SLC39A4: variants seen among roughly 807,000 people sequenced by gnomAD.
SLC39A4 encodes the protein zinc transporter ZIP4.
SLC39A4 carries 49 observed loss-of-function variants against 56.6 expected under a neutral mutation model. The observed-to-expected ratio is 0.87, with a 90% confidence interval of 0.69 to 1.10. The LOEUF is 1.10. SLC39A4 is among the 50% of genes least tolerant of loss of function. SLC39A4 has a pLI of 0.00. For synonymous variants in SLC39A4, 540 were observed against 420.4 expected (o/e 1.28, Z -3.48); for missense variants, 993 against 864.2 (o/e 1.15, Z -1.87).
At chr8:144,414,493 G>T in intron 5 of SLC39A4, 59 bp from the exon 6 acceptor site, 4 of 1,547,220 alleles carry the variant, frequency 2.6e-6, no homozygotes, top group Non-Finnish European at 3.5e-6. Context: ...CCTGCTTCCC[G>T]GGCGCTGCTC....
rs201271264 is a variant in SLC39A4 at position 144,415,932 on chromosome 8, G to A, written c.352C>T (p.Leu118Phe). The A allele has an allele frequency of 1.0e-5, 16 of 1,596,048 alleles. No homozygotes were observed. In the East Asian group the frequency reaches 2.3e-4, roughly 22 times the overall value. ...EGTCEDARAG[L>F]WASHADHLLA... is the part of the protein sequence containing the mutation. ...AGGTGGTCTGCATGAGAGGCCCAGA[G>A]GCCAGCCCGAGCGTCCTCACAGGTG... Residue 118 changes from leucine to phenylalanine, a missense_variant, in exon 2 of 12, where the codon CTC becomes TTC. Physicochemically the swap from Leu to Phe is conservative, Grantham distance 22 (BLOSUM62 0). Coordinates refer to ENST00000301305, the MANE Select transcript of SLC39A4 (RefSeq NM_130849.4).
chr8:144,416,308 A>C, intron 1 of SLC39A4: 3 of 1,515,168 alleles, frequency 2.0e-6, no homozygotes, highest in Non-Finnish European at 2.6e-6. Context: ...GTGGTCCCCC[A>C]TCCCCAGGGG....
In SLC39A4 at chr8:144,412,954, C is replaced by CG; in HGVS notation, c.1628-9dup. The stretch of plus-strand genomic sequence containing the variant: ...GCAAGGCGGCGAAGTCCCCTGCGGG[C>CG]GAGTCCACATTAACAGCTCCGCCCT... On this transcript the variant is annotated splice_polypyrimidine_tract_variant and intron_variant, in intron 10 of 11. Coordinates refer to ENST00000301305, the MANE Select transcript of SLC39A4 (RefSeq NM_130849.4). 1 of 1,590,346 alleles carries CG rather than the reference C, an allele frequency of 6.3e-7. No homozygotes were observed. The highest frequency in any genetic ancestry group is 8.5e-7 in the Non-Finnish European group (1 of 1,174,126).
chr8:144,415,088 G>A lies in SLC39A4; in HGVS notation c.690C>T (p.Arg230=), dbSNP rs1822113291. ...TLAELSALMQ[R]LGVGREAHSD... is the part of the protein sequence containing the mutation. ...TGTGGGCCTCCCTGCCCACCCCCAG[G>A]CGCTGCATCAAGGCTGACAGCTCTG... Residue 230 remains arginine (R), a synonymous_variant, in exon 4 of 12, where the codon CGC becomes CGT. Transcript: ENST00000301305. 6.2e-7 allele frequency: 1 copy of A among 1,611,742 alleles called. No homozygotes were observed. Among genetic ancestry groups the A allele is most frequent in the Non-Finnish European group, 8.5e-7 (1 of 1,179,912 alleles).
In SLC39A4 at chr8:144,413,562, C is replaced by G. The variant is rs574571465; in HGVS notation, c.1425G>C (p.Ala475=). 6 of 1,553,314 alleles carry G rather than the reference C, an allele frequency of 3.9e-6. No homozygotes were observed. The highest frequency in any genetic ancestry group is 5.2e-6 in the Non-Finnish European group (6 of 1,148,506). The change falls in exon 9 of 12, where the codon GCG becomes GCC. Residue 475 remains alanine, a synonymous_variant. Coordinates refer to ENST00000301305, the MANE Select transcript of SLC39A4 (RefSeq NM_130849.4). ...GGTTCAGCAGCTCCGGGCTCTCCTC[C>G]GCCACCTGGGAGGAGCCTTGAGTAA... The part of the protein sequence containing the change: ...PHEGSRADLV[A]EESPELLNPE...
In SLC39A4 at chr8:144,412,851, C is replaced by A; in HGVS notation, c.1723G>T (p.Val575Leu). Residue 575 changes from valine (V) to leucine (L), a missense_variant, in exon 11 of 12, where the codon GTG (valine) becomes TTG (leucine). Coordinates refer to ENST00000301305, the MANE Select transcript of SLC39A4 (RefSeq NM_130849.4). Reference protein sequence around the residue: ...SALTAFAGLYVALAVGVSEES... With the variant: ...SALTAFAGLYLALAVGVSEES... ...TCGCTGACTCCAACCGCGAGTGCCA[C>A]GTAGAGACCAGCGAAGGCCGTGAGC... The A allele has an allele frequency of 2.5e-6, 4 of 1,612,630 alleles. No individual in the cohort carries two copies. Among genetic ancestry groups the A allele is most frequent in the Non-Finnish European group, 3.4e-6 (4 of 1,179,898 alleles).
At chr8:144,413,629 G>A in intron 8 of SLC39A4, 62 bp from the exon 9 acceptor site, 2 of 1,547,188 alleles carry the variant, frequency 1.3e-6, no homozygotes, top group Non-Finnish European at 1.7e-6. Context: ...GGGGCGGGGC[G>A]GGGCCCCAGA....
Position 144,414,779 on chromosome 8 carries a change from C to T in SLC39A4, c.922G>A (p.Ala308Thr), listed in dbSNP as rs1822094227. 6.2e-7 allele frequency: 1 copy of T among 1,613,132 alleles called. No individual in the cohort carries two copies. Among genetic ancestry groups the T allele is most frequent in the Non-Finnish European group, 8.5e-7 (1 of 1,179,972 alleles). The change falls in exon 5 of 12, where the codon GCC becomes ACC. Residue 308 changes from alanine to threonine, a missense_variant. Physicochemically the swap from Ala to Thr is moderately conservative, Grantham distance 58 (BLOSUM62 0). Coordinates refer to ENST00000301305, the MANE Select transcript of SLC39A4 (RefSeq NM_130849.4). ...GGGGGCCTGGACTGGGAGGTGCAGGCTCCACTCAGCTGCTGTTGGAGCAGG... is the reference window on the plus strand; with the variant it reads ...GGGGGCCTGGACTGGGAGGTGCAGGTTCCACTCAGCTGCTGTTGGAGCAGG... ...PALLQQQLSG[A>T]CTSQSRPPVQ...
Position 144,415,241 on chromosome 8 carries a change from G to T in SLC39A4, c.653C>A (p.Pro218His). The stretch of plus-strand genomic sequence containing the variant: ...CCAGGCCTCACCGGCCAGCGTCATA[G>T]GGACCTCGCTGCTGTGCTGCTGGAA... Reference protein sequence around the residue: ...FVFQQHSSEVPMTLAELSALM... With the variant: ...FVFQQHSSEVHMTLAELSALM... Residue 218 changes from proline (P) to histidine (H), a missense_variant, in exon 3 of 12, where the codon CCT becomes CAT. Pro to His is a moderately conservative substitution (Grantham distance 77). Transcript: ENST00000301305. 1 of 1,613,082 alleles carries T rather than the reference G, an allele frequency of 6.2e-7. No individual in the cohort carries two copies. Among genetic ancestry groups the T allele is most frequent in the South Asian group, 1.1e-5 (1 of 91,086 alleles).
Position 144,414,985 on chromosome 8 carries a change from C to G in SLC39A4, c.793G>C (p.Val265Leu). ...PLISSSNSSS[V>L]WDTVCLSARD... ...AGGGCGCAGCTCACCGTGTCCCACA[C>G]ACTGGAGCTGTTGCTGGAGCTGATG... Residue 265 changes from valine (V) to leucine (L), a missense_variant, in exon 4 of 12, where the codon GTG becomes CTG. By Grantham distance (32) the Val-to-Leu change is conservative. Coordinates refer to ENST00000301305, the MANE Select transcript of SLC39A4 (RefSeq NM_130849.4). The G allele has an allele frequency of 6.2e-7, 1 of 1,612,662 alleles. No homozygotes were observed. Among genetic ancestry groups the G allele is most frequent in the Non-Finnish European group, 8.5e-7 (1 of 1,179,964 alleles).
At position 144,413,501 on chromosome 8, in the gene SLC39A4, C is replaced by CCCTGGGCTCA; in HGVS notation, c.1474+2_1474+11dup. On this transcript the variant is annotated intron_variant, in intron 9 of 11. Transcript: ENST00000301305. The stretch of plus-strand genomic sequence containing the variant: ...ATCCCCCAGCCCTTCCGGGGTCGCC[C>CCCTGGGCTCA]CCTGGGCTCACCTGGGCTCAGTCTC... 3 of 1,557,846 alleles carry CCCTGGGCTCA rather than the reference C, an allele frequency of 1.9e-6. No homozygotes were observed. Among genetic ancestry groups the CCCTGGGCTCA allele is most frequent in the Non-Finnish European group, 2.6e-6 (3 of 1,150,934 alleles).
Position 144,416,621 on chromosome 8 carries a change from A to G in SLC39A4, c.169T>C (p.Cys57Arg), listed in dbSNP as rs1554874121. 7 of 1,599,468 alleles carry G rather than the reference A, an allele frequency of 4.4e-6. No homozygotes were observed. The highest frequency in any genetic ancestry group is 1.7e-5 in the Admixed American group (1 of 57,580). Reference sequence around the variant, plus strand: ...ACCTTTCCACACGGCCCGTTGGCGCAGTGCACACGGTCCGCCAGCGTATTT... The same window carrying G: ...ACCTTTCCACACGGCCCGTTGGCGCGGTGCACACGGTCCGCCAGCGTATTT... ...LLNTLADRVH[C>R]ANGPCGKCLS... is the part of the protein sequence containing the mutation. The change falls in exon 1 of 12, where the codon TGC becomes CGC. Residue 57 changes from cysteine (C) to arginine (R), a missense_variant. By Grantham distance (180) the Cys-to-Arg change is radical. Transcript: ENST00000301305.
In SLC39A4 at chr8:144,416,097, G is replaced by A. The variant is rs782627196; in HGVS notation, c.193-6C>T. 3.7e-6 allele frequency: 6 copies of A among 1,600,926 alleles called. No homozygotes were observed. Among genetic ancestry groups the A allele is most frequent in the African/African-American group, 1.3e-5 (1 of 74,994 alleles). On this transcript the variant is annotated splice_polypyrimidine_tract_variant and splice_region_variant and intron_variant, in intron 1 of 11. Coordinates refer to ENST00000301305, the MANE Select transcript of SLC39A4 (RefSeq NM_130849.4). ...GCGTCCTCCACAGACAGGCACTGTG[G>A]GCAGAGACAAGTGAGCAGGGGCGCT...
In SLC39A4 at chr8:144,416,074, G is replaced by A. The variant is rs782410150; in HGVS notation, c.210C>T (p.Asp70=). 188 of 1,596,368 alleles carry A rather than the reference G, an allele frequency of 1.2e-4. 1 individual carries two copies. The highest frequency in any genetic ancestry group is 6.8e-4 in the South Asian group (61 of 89,058). The change falls in exon 2 of 12, where the codon GAC becomes GAT. Residue 70 remains aspartate (D), a synonymous_variant. Coordinates refer to ENST00000301305, the MANE Select transcript of SLC39A4 (RefSeq NM_130849.4). ...GPCGKCLSVE[D]ALGLGEPEGS... is the part of the protein sequence containing the mutation. Reference sequence around the variant, plus strand: ...CCTCAGGCTCGCCCAGGCCCAGGGCGTCCTCCACAGACAGGCACTGTGGGC... The same window carrying A: ...CCTCAGGCTCGCCCAGGCCCAGGGCATCCTCCACAGACAGGCACTGTGGGC...
At position 144,415,896 on chromosome 8, in the gene SLC39A4, G is replaced by C; in HGVS notation, c.388C>G (p.Leu130Val). The stretch of plus-strand genomic sequence containing the variant: ...GGGGTCAGGGCCTTGGGGCTCTCGA[G>C]CAGGGCCAGGAGGTGGTCTGCATGA... The part of the protein sequence containing the change: ...ASHADHLLAL[L>V]ESPKALTPGL... Residue 130 changes from leucine to valine, a missense_variant, in exon 2 of 12, where the codon CTC becomes GTC. Transcript: ENST00000301305. 1 of 1,595,456 alleles carries C rather than the reference G, an allele frequency of 6.3e-7. No homozygotes were observed. Among genetic ancestry groups the C allele is most frequent in the Non-Finnish European group, 8.5e-7 (1 of 1,174,034 alleles).
intron 8 of SLC39A4, 64 bp from the exon 9 acceptor site, chr8:144,413,631 G>A (rs1006592881): frequency 6.5e-7 from 1 of 1,547,118 alleles, no homozygotes; most frequent in Non-Finnish European, 8.7e-7. Flanking sequence ...GGCGGGGCGG[G>A]GCCCCAGATC....
intron 5 of SLC39A4, 47 bp from the exon 6 acceptor site, chr8:144,414,481 C>A: frequency 1.3e-6 from 2 of 1,548,382 alleles, no homozygotes; most frequent in Non-Finnish European, 1.7e-6. Context: ...CCAGACTCAG[C>A]CCCTGCTTCC....
chr8:144,413,173 C>T, intron 10 of SLC39A4, 64 bp downstream of exon 10: 1 of 1,500,934 alleles, frequency 6.7e-7, no homozygotes, highest in South Asian at 1.2e-5. Flanking sequence ...CCACCTGTTC[C>T]AGGTCTCCCC....
In SLC39A4 at chr8:144,416,023, G is replaced by A. The variant is rs1331613457; in HGVS notation, c.261C>T (p.Val87=). ...PEGSGLPPGP[V]LEARYVARLS... ...GGCGGGCGACGTACCTGGCCTCCAG[G>A]ACCGGGCCCGGGGGCAGCCCTGACC... is the stretch of plus-strand genomic sequence containing the variant. Residue 87 remains valine, a synonymous_variant, in exon 2 of 12, where the codon GTC becomes GTT. Transcript: ENST00000301305. The A allele has an allele frequency of 1.3e-6, 2 of 1,579,400 alleles. No individual in the cohort carries two copies. Among genetic ancestry groups the A allele is most frequent in the East Asian group, 2.3e-5 (1 of 43,746 alleles).
Sources: gnomAD v4.1 joint callset for allele counts on GRCh38, gnomAD v4.1.1 for gene constraint, MANE v1.5 for transcripts, NCBI Gene and HGNC (gene_info 2026-07-23, HGNC 2026-07-21) for gene names.